Variants in WWP2 observed in about 807,000 individuals in gnomAD.
The protein encoded by WWP2 is WW domain containing E3 ubiquitin protein ligase 2.
Under a neutral mutation model 121.0 loss-of-function variants are expected in WWP2, and 57 were observed. The ratio of observed to expected loss-of-function variants is 0.47; its 90% CI spans 0.38 to 0.59. The LOEUF (loss-of-function observed/expected upper bound fraction) is 0.59. Ranked by LOEUF, WWP2 falls within the 20% of genes least tolerant of loss-of-function variation. The probability of loss-of-function intolerance (pLI) is 0.00; values close to 1 mark genes in which losing one functional copy is unlikely to be tolerated. For synonymous variants in WWP2, 449 were observed against 441.3 expected (o/e 1.02, Z -0.22); for missense variants, 962 against 1,158.9 (o/e 0.83, Z 2.47).
chr16:69,817,918 T>C lies in WWP2; in HGVS notation c.340+18623T>C, dbSNP rs1567682861. 6.6e-5 allele frequency among the ~76,000 whole-genome samples: 10 copies of C among 152,038 alleles called. No individual in the cohort carries two copies. In the South Asian group the frequency reaches 2.1e-3, roughly 32 times the overall value. Reference sequence around the variant, plus strand: ...GCCTAAATTCTTGTAAAGATACCTTTATGCTCCTCTTTTTTTTTCCCTACA... The same window carrying C: ...GCCTAAATTCTTGTAAAGATACCTTCATGCTCCTCTTTTTTTTTCCCTACA... On this transcript the variant is annotated intron_variant, in intron 4 of 23. Transcript: ENST00000359154.
intron 8 of WWP2, among the ~76,000 whole-genome samples, chr16:69,891,696 G>A (rs1360299761): frequency 2.6e-5 from 4 of 152,104 alleles, no homozygotes; most frequent in African/African-American, 9.7e-5. Context: ...TCTGGGATCT[G>A]ATGCTAAGTC....
chr16:69,803,413 A>G (rs2056213021), intron 4 of WWP2, among the ~76,000 whole-genome samples: 1 of 152,040 alleles, frequency 6.6e-6, no homozygotes. Flanking sequence ...TATCACATTT[A>G]GCAATAGTGA....
At position 69,925,536 on chromosome 16, in the gene WWP2, T is replaced by C; in HGVS notation, c.1234+52T>C. On this transcript the variant is annotated intron_variant, in intron 11 of 23. Coordinates refer to ENST00000359154, the MANE Select transcript of WWP2 (RefSeq NM_001270454.2). This position sits in a 1 kb window ranked among gnomAD's most constrained non-coding sequence, Gnocchi z 4.0. ...CTTGGCCTTCCGTCAGCCACGGTGC[T>C]CTGTCCTCTCCTCCCGCGTGTCTTC... The C allele has an allele frequency of 6.2e-7, 1 of 1,605,784 alleles. No individual in the cohort carries two copies. The highest frequency in any genetic ancestry group is 8.5e-7 in the Non-Finnish European group (1 of 1,175,460).
At chr16:69,938,573 G>A (rs1448018841) in intron 21 of WWP2, among the ~76,000 whole-genome samples, 3 of 142,576 alleles carry the variant, frequency 2.1e-5, no homozygotes, top group South Asian at 2.2e-4. Flanking sequence ...GAGCTGGACC[G>A]TGCCACTGCT....
At chr16:69,776,698 C>T (rs1408048275) in intron 1 of WWP2, among the ~76,000 whole-genome samples, 1 of 152,010 alleles carries the variant, frequency 6.6e-6, no homozygotes, top group Non-Finnish European at 1.5e-5. Context: ...CGTGGTGGTG[C>T]ATGCCTGTAA....
chr16:69,823,278 T>A (rs1485205671), intron 4 of WWP2, among the ~76,000 whole-genome samples: 1 of 152,208 alleles, frequency 6.6e-6, no homozygotes, highest in Non-Finnish European at 1.5e-5. Flanking sequence ...TGGCCTCAGG[T>A]GTGTCTTTCT....
At position 69,838,270 on chromosome 16, in the gene WWP2, G is replaced by C. The variant is rs532806439; in HGVS notation, c.341-1856G>C. The stretch of plus-strand genomic sequence containing the variant: ...CCCCTGTTTTGCAGGTAGGGAGACT[G>C]ATGCTCAGGTTAGGTAGTTTGCTTC... On this transcript the variant is annotated intron_variant, in intron 4 of 23. Coordinates refer to ENST00000359154, the MANE Select transcript of WWP2 (RefSeq NM_001270454.2). Among the ~76,000 whole-genome samples, 15 of 152,112 alleles carry C rather than the reference G, an allele frequency of 9.9e-5. No homozygotes were observed. The South Asian group carries it at 2.9e-3, about 29-fold the overall frequency.
chr16:69,771,024 A>T (rs2055403194), intron 1 of WWP2, among the ~76,000 whole-genome samples: 1 of 151,892 alleles, frequency 6.6e-6, no homozygotes, highest in East Asian at 1.9e-4. Flanking sequence ...GCAGGAAGAA[A>T]CTGAGTTTGC....
intron 4 of WWP2, among the ~76,000 whole-genome samples, chr16:69,821,409 C>G (rs930886083): frequency 3.3e-5 from 5 of 152,154 alleles, no homozygotes; most frequent in Non-Finnish European, 2.9e-5. Context: ...CAATCCTGCA[C>G]CCTGTGTCAC....
intron 16 of WWP2, 49 bp downstream of exon 16, chr16:69,931,939 C>T (rs750101743): frequency 7.8e-6 from 12 of 1,545,998 alleles, no homozygotes; most frequent in Non-Finnish European, 9.7e-6. Flanking sequence ...CTTCCCCAGG[C>T]TACAGCATCA....
intron 6 of WWP2, among the ~76,000 whole-genome samples, chr16:69,846,460 C>G (rs2057081081): frequency 6.6e-6 from 1 of 152,152 alleles, no homozygotes; most frequent in South Asian, 2.1e-4. Context: ...TGGCTCACGC[C>G]TGTAATCCCA....
At chr16:69,839,003 T>TG (rs916762260) in intron 4 of WWP2, 1 of 94,384 alleles carries the variant, frequency 1.1e-5, no homozygotes. Flanking sequence ...TTTGGGGGGG[T>TG]GGGGGAAGGG....
At chr16:69,893,505 T>G (rs534879308) in intron 8 of WWP2, among the ~76,000 whole-genome samples, 15 of 152,356 alleles carry the variant, frequency 9.8e-5, no homozygotes, top group African/African-American at 3.6e-4. Flanking sequence ...TTCACTGGCT[T>G]GACTGGCTTT....
At chr16:69,834,247 C>T (rs2056837929) in intron 4 of WWP2, among the ~76,000 whole-genome samples, 1 of 152,224 alleles carries the variant, frequency 6.6e-6, no homozygotes, top group Non-Finnish European at 1.5e-5. Flanking sequence ...CTCCAGCTGC[C>T]CTGGCCTCCC....
chr16:69,861,535 AGGTAG>A (rs1363175203), intron 6 of WWP2, among the ~76,000 whole-genome samples: 1 of 152,066 alleles, frequency 6.6e-6, no homozygotes, highest in Non-Finnish European at 1.5e-5. Flanking sequence ...GGCAGTCCAG[AGGTAG>A]GGTGTGGAAT....
intron 12 of WWP2, among the ~76,000 whole-genome samples, 192 bp from the exon 13 acceptor site, chr16:69,929,938 C>A (rs1407596717): frequency 1.3e-5 from 2 of 152,206 alleles, no homozygotes; most frequent in Non-Finnish European, 2.9e-5. Flanking sequence ...GGTTTTTGGC[C>A]ATGAGATAAT....
At chr16:69,906,850 A>G (rs2058302632) in intron 8 of WWP2, among the ~76,000 whole-genome samples, 1 of 152,048 alleles carries the variant, frequency 6.6e-6, no homozygotes, top group Non-Finnish European at 1.5e-5. Flanking sequence ...ACCACACTCC[A>G]GCTCGGGCAA....
chr16:69,846,867 G>A (rs1165068884), intron 6 of WWP2, among the ~76,000 whole-genome samples: 1 of 152,070 alleles, frequency 6.6e-6, no homozygotes, highest in African/African-American at 2.4e-5. Flanking sequence ...CCTGGGTGGT[G>A]GCTCCCAAGT....
chr16:69,833,311 C>T (rs1262611488), intron 4 of WWP2, among the ~76,000 whole-genome samples: 2 of 152,238 alleles, frequency 1.3e-5, no homozygotes, highest in Admixed American at 6.5e-5. Context: ...GTTTCCCACA[C>T]TTTGGATTTT....
Sources: allele counts gnomAD v4.1 joint callset (sites outside exome capture counted in the v4.1 genomes callset), GRCh38; gene constraint gnomAD v4.1.1; non-coding constraint Gnocchi (gnomAD v3.1); transcripts MANE v1.5; gene names NCBI Gene and HGNC (gene_info 2026-07-23, HGNC 2026-07-21).